The following CLIC5 variants were observed in gnomAD, a reference collection of about 807,000 sequenced individuals.
CLIC5 encodes chloride intracellular channel protein 5.
CLIC5 carries 20 observed loss-of-function variants against 24.7 expected under a neutral mutation model. The ratio of observed to expected loss-of-function variants is 0.81; its 90% CI spans 0.57 to 1.18. CLIC5 has a LOEUF of 1.18. Among genes scored for constraint, CLIC5 ranks in the 50% most tolerant of loss-of-function variants. The probability of loss-of-function intolerance (pLI) is 0.00; values close to 1 mark genes in which losing one functional copy is unlikely to be tolerated. For synonymous variants in CLIC5, 159 were observed against 135.6 expected (o/e 1.17, Z -1.20); for missense variants, 341 against 326.1 (o/e 1.05, Z -0.35).
In CLIC5 at chr6:45,954,983, T is replaced by G. The variant is rs969970728; in HGVS notation, c.173+152A>C. 3.8e-5 allele frequency: 21 copies of G among 558,738 alleles called. No individual in the cohort carries two copies. The Admixed American group carries it at 6.5e-4, about 17-fold the overall frequency. 34.6% of individuals were successfully genotyped at this position (558,738 alleles called of 1,614,324 possible). A position where few individuals can be genotyped will look rare whatever the true frequency, so the allele number is the denominator to read the frequency against. ...GAAATACTTGCCTTTGCAGACTCTC[T>G]TGTAGCTAAGACTGGATCCTGAGAC... On this transcript the variant is annotated intron_variant, in intron 2 of 5. Coordinates refer to ENST00000339561, the MANE Select transcript of CLIC5 (RefSeq NM_016929.5).
intron 1 of CLIC5, among the ~76,000 whole-genome samples, chr6:46,036,010 G>T (rs1767648997): frequency 6.6e-6 from 1 of 152,072 alleles, no homozygotes; most frequent in Admixed American, 6.5e-5. Flanking sequence ...CTCCCAAAGT[G>T]CTGGGATTAC....
At chr6:45,988,441 G>C (rs888339989) in intron 1 of CLIC5, among the ~76,000 whole-genome samples, 6 of 152,150 alleles carry the variant, frequency 3.9e-5, no homozygotes, top group African/African-American at 9.7e-5. Context: ...TAATTCAAAT[G>C]TTAAGCTCAC....
chr6:46,041,930 C>A (rs935621737), intron 1 of CLIC5, among the ~76,000 whole-genome samples: 4 of 152,088 alleles, frequency 2.6e-5, no homozygotes, highest in Non-Finnish European at 4.4e-5. Flanking sequence ...CTTGTCACTG[C>A]CATCACTATT....
chr6:45,966,986 C>T (rs1765036467), intron 1 of CLIC5, among the ~76,000 whole-genome samples: 1 of 152,198 alleles, frequency 6.6e-6, no homozygotes, highest in Non-Finnish European at 1.5e-5. Flanking sequence ...GTACAGAAAC[C>T]CTAGTCACTG....
chr6:46,002,767 G>A lies in CLIC5; in HGVS notation c.63+12713C>T, dbSNP rs138479158. Among the ~76,000 whole-genome samples, 157 of 152,310 alleles carry A rather than the reference G, an allele frequency of 1.0e-3. 1 individual carries two copies. Among genetic ancestry groups the A allele is most frequent in the African/African-American group, 3.3e-3 (139 of 41,550 alleles). On this transcript the variant is annotated intron_variant, in intron 1 of 5. Coordinates refer to ENST00000339561, the MANE Select transcript of CLIC5 (RefSeq NM_016929.5). ...GGGTAGGAGACTTGAGAACAGGTGCGTCTTTAGGCTGCTCTAACTCACCCA... is the reference window on the plus strand; with the variant it reads ...GGGTAGGAGACTTGAGAACAGGTGCATCTTTAGGCTGCTCTAACTCACCCA...
chr6:45,981,158 T>C (rs143344000), intron 1 of CLIC5, among the ~76,000 whole-genome samples: 46 of 152,148 alleles, frequency 3.0e-4, no homozygotes, highest in African/African-American at 9.2e-4. Flanking sequence ...CTTGTAGAGA[T>C]GTGGTTTTTC....
chr6:46,103,315 C>T, the CLIC5 span, among the ~76,000 whole-genome samples: 2 of 152,130 alleles, frequency 1.3e-5, no homozygotes, highest in South Asian at 2.1e-4. Context: ...CTTTGACATA[C>T]TTCGAGGTGG....
chr6:46,043,459 G>A (rs182012580), intron 1 of CLIC5, among the ~76,000 whole-genome samples: 3 of 152,306 alleles, frequency 2.0e-5, no homozygotes, highest in Admixed American at 2.0e-4. Flanking sequence ...TAGGGCTGGT[G>A]GTGAGATAGA....
At chr6:45,923,776 C>T (rs1296848274) in intron 4 of CLIC5, among the ~76,000 whole-genome samples, 2 of 152,174 alleles carry the variant, frequency 1.3e-5, no homozygotes. Flanking sequence ...TTTAATTCAG[C>T]ACTACATACA....
chr6:46,108,368 T>TTGTGTGTG, the CLIC5 span, among the ~76,000 whole-genome samples: 241 of 142,628 alleles, frequency 1.7e-3, no homozygotes, highest in African/African-American at 4.5e-3. Context: ...TATCGGGTCT[T>TTGTGTGTG]TGTGTGTGTG....
chr6:45,948,480 C>A (rs1304106768), intron 3 of CLIC5, among the ~76,000 whole-genome samples: 1 of 152,216 alleles, frequency 6.6e-6, no homozygotes, highest in East Asian at 1.9e-4. Flanking sequence ...TTCAGAATAT[C>A]CCACAGGACT....
chr6:45,986,191 C>A (rs1310500910), intron 1 of CLIC5, among the ~76,000 whole-genome samples: 1 of 152,182 alleles, frequency 6.6e-6, no homozygotes, highest in African/African-American at 2.4e-5. Flanking sequence ...TGAGAACAGA[C>A]TAACACAGTG....
At chr6:46,058,231 T>G (rs1768315727) in intron 1 of CLIC5, among the ~76,000 whole-genome samples, 2 of 152,184 alleles carry the variant, frequency 1.3e-5, no homozygotes, top group Non-Finnish European at 2.9e-5. Flanking sequence ...AGATACAAAG[T>G]TGAAATTAAA....
intron 1 of CLIC5, among the ~76,000 whole-genome samples, chr6:45,988,554 C>G (rs1194839906): frequency 2.0e-5 from 3 of 152,172 alleles, no homozygotes; most frequent in Admixed American, 1.3e-4. Flanking sequence ...ATCATCTGAT[C>G]CAGCCATCTC....
At position 45,916,286 on chromosome 6, in the gene CLIC5, C is replaced by A. The variant is rs907556329; in HGVS notation, c.407-1877G>T. 8.5e-5 allele frequency among the ~76,000 whole-genome samples: 13 copies of A among 152,136 alleles called. No individual in the cohort carries two copies. The East Asian group carries it at 2.1e-3, about 25-fold the overall frequency. ...GTTTGGGAGAACAGAGTAAGCAGGG[C>A]TGGGAAAATGCAGTATATTCCTTAA... is the stretch of plus-strand genomic sequence containing the variant. On this transcript the variant is annotated intron_variant, in intron 4 of 5. Transcript: ENST00000339561.
chr6:45,982,368 A>C (rs1765596171), intron 1 of CLIC5, among the ~76,000 whole-genome samples: 1 of 152,142 alleles, frequency 6.6e-6, no homozygotes, highest in Middle Eastern at 3.4e-3. Context: ...TGATATTATA[A>C]ATTTTTTTAT....
chr6:45,976,199 G>A (rs143609012), intron 1 of CLIC5, among the ~76,000 whole-genome samples: 144 of 152,246 alleles, frequency 9.5e-4, no homozygotes, highest in African/African-American at 3.0e-3. Flanking sequence ...TTACGTATAC[G>A]GCAGAATGGA....
intron 1 of CLIC5, among the ~76,000 whole-genome samples, chr6:45,985,618 C>A (rs745868365): frequency 1.3e-5 from 2 of 152,080 alleles, no homozygotes; most frequent in African/African-American, 2.4e-5. Flanking sequence ...CATCAAGGGG[C>A]TCCCTGCCCT....
intron 1 of CLIC5, among the ~76,000 whole-genome samples, chr6:46,024,677 G>A (rs973639393): frequency 6.6e-6 from 1 of 152,140 alleles, no homozygotes; most frequent in African/African-American, 2.4e-5. Context: ...CTTGAATTGA[G>A]TTTTCTAATG....
Sources: allele counts gnomAD v4.1 joint callset (sites outside exome capture counted in the v4.1 genomes callset), GRCh38; gene constraint gnomAD v4.1.1; transcripts MANE v1.5; gene names NCBI Gene and HGNC (gene_info 2026-07-23, HGNC 2026-07-21).